Variants in DOCK7 observed in about 807,000 individuals in gnomAD.
DOCK7 encodes the protein dedicator of cytokinesis 7, also known as dedicator of cytokinesis protein 7.
A neutral mutation model predicts 271.0 loss-of-function variants in DOCK7; 138 were observed. The ratio of observed to expected loss-of-function variants is 0.51; its 90% CI spans 0.44 to 0.59. The LOEUF is 0.59. Among genes scored for constraint, DOCK7 ranks in the 20% least tolerant of loss-of-function variants. The pLI is 0.00. For synonymous variants in DOCK7, 823 were observed against 876.1 expected, an observed-to-expected ratio of 0.94 and a Z score of 1.07; for missense variants, 2,066 against 2,592.4, an observed-to-expected ratio of 0.80 and a Z score of 4.41.
At chr1:62,677,023 G>C (rs1168123) in intron 1 of DOCK7, among the ~76,000 whole-genome samples, 1 of 152,202 alleles carries the variant, frequency 6.6e-6, no homozygotes, top group Admixed American at 6.5e-5. Flanking sequence ...GCAGATAGGA[G>C]AGCTGTCTAT....
chr1:62,681,650 T>G (rs1454077984), intron 1 of DOCK7, among the ~76,000 whole-genome samples: 1 of 151,434 alleles, frequency 6.6e-6, no homozygotes, highest in African/African-American at 2.4e-5. Flanking sequence ...TACCTGAAAA[T>G]TTGTATAGGA....
At chr1:62,654,818 G>GA (rs1449927590) in intron 2 of DOCK7, among the ~76,000 whole-genome samples, 4 of 152,130 alleles carry the variant, frequency 2.6e-5, no homozygotes, top group Admixed American at 2.0e-4. Flanking sequence ...TACACAGAGA[G>GA]AAAAAATTTG....
intron 12 of DOCK7, among the ~76,000 whole-genome samples, chr1:62,624,799 C>A (rs974662814): frequency 6.6e-6 from 1 of 152,008 alleles, no homozygotes; most frequent in African/African-American, 2.4e-5. Flanking sequence ...CATTTAGTAT[C>A]CTGTCTCTAC....
chr1:62,600,880 T>C (rs1650014594), intron 14 of DOCK7, among the ~76,000 whole-genome samples: 1 of 151,820 alleles, frequency 6.6e-6, no homozygotes, highest in Admixed American at 6.6e-5. Flanking sequence ...TATTTTTTTA[T>C]CTTATTAAAT....
At chr1:62,587,299 T>TAAAAAAAAAAAAA in intron 14 of DOCK7, among the ~76,000 whole-genome samples, 1 of 41,818 alleles carries the variant, frequency 2.4e-5, no homozygotes, top group Non-Finnish European at 5.4e-5. Flanking sequence ...ACCAAATAGC[T>TAAAAAAAAAAAAA]AAAAAAAAAA....
At chr1:62,525,721 T>C (rs1644987057) in intron 31 of DOCK7, among the ~76,000 whole-genome samples, 1 of 152,166 alleles carries the variant, frequency 6.6e-6, no homozygotes, top group Non-Finnish European at 1.5e-5. Flanking sequence ...ACATGCACTT[T>C]ATTGTATTAT....
chr1:62,665,945 C>T (rs900505774), intron 1 of DOCK7, among the ~76,000 whole-genome samples: 1 of 151,928 alleles, frequency 6.6e-6, no homozygotes. Flanking sequence ...GGGCGGATCA[C>T]AAGGTCATGA....
rs1034142392 is a variant in DOCK7 at position 62,545,032 on chromosome 1, T to A, written c.2774A>T (p.Asp925Val). 2 of 1,549,270 alleles carry A rather than the reference T, an allele frequency of 1.3e-6. No individual in the cohort carries two copies. Among genetic ancestry groups the A allele is most frequent in the African/African-American group, 2.7e-5 (2 of 72,990 alleles). The change falls in exon 23 of 50, where the codon GAT (aspartate) becomes GTT (valine). Residue 925 changes from aspartate to valine, a missense_variant. Around this residue, in one of 2 missense-constraint regions of DOCK7, gnomAD observed 1,414 missense variants for 1,670.4 expected, o/e 0.85. Coordinates refer to ENST00000635253, the MANE Select transcript of DOCK7 (RefSeq NM_001367561.1). ...VRSIIGSKGL[D>V]RSNSWVNTGG... is the part of the protein sequence containing the mutation. Reference sequence around the variant, plus strand: ...AGTGTTAACCCAGGAATTGGAGCGATCTAAACCCTAAGCATATAATAGAAA... The same window carrying A: ...AGTGTTAACCCAGGAATTGGAGCGAACTAAACCCTAAGCATATAATAGAAA...
chr1:62,625,770 T>A (rs906186176), intron 11 of DOCK7, among the ~76,000 whole-genome samples: 2 of 152,192 alleles, frequency 1.3e-5, no homozygotes, highest in Admixed American at 1.3e-4. Context: ...AAGAGAATTG[T>A]AAGATAATTT....
chr1:62,573,146 T>G (rs950219276), intron 18 of DOCK7, among the ~76,000 whole-genome samples: 3 of 152,136 alleles, frequency 2.0e-5, no homozygotes, highest in African/African-American at 7.2e-5. Flanking sequence ...AAGACTTCTT[T>G]GAGGAAATGC....
chr1:62,601,502 C>G lies in DOCK7; in HGVS notation c.1683-14878G>C, dbSNP rs527277163. Among the ~76,000 whole-genome samples the G allele has an allele frequency of 3.3e-5, 5 of 151,670 alleles. No individual in the cohort carries two copies. In the East Asian group the frequency reaches 9.7e-4, roughly 29 times the overall value. On this transcript the variant is annotated intron_variant, in intron 14 of 49. Transcript: ENST00000635253. ...TAAGAGATACATGCTGAAATATTTACGGAGTTAAAGGTCACTGGACTCCAG... is the reference window on the plus strand; with the variant it reads ...TAAGAGATACATGCTGAAATATTTAGGGAGTTAAAGGTCACTGGACTCCAG...
In DOCK7 at chr1:62,480,668, T is replaced by C. The variant is rs1055473227; in HGVS notation, c.5509-2843A>G. 6.6e-5 allele frequency among the ~76,000 whole-genome samples: 10 copies of C among 152,310 alleles called. No homozygotes were observed. In the South Asian group the frequency reaches 1.2e-3, roughly 19 times the overall value. On this transcript the variant is annotated intron_variant, in intron 43 of 49. Coordinates refer to ENST00000635253, the MANE Select transcript of DOCK7 (RefSeq NM_001367561.1). ...AAGCGTTCATCCATTCAAATACTTA[T>C]TGAGCCCTTACTATGTGTTAGCAAA...
intron 48 of DOCK7, among the ~76,000 whole-genome samples, chr1:62,468,360 C>CAAAAAA (rs201784083): frequency 3.2e-5 from 3 of 93,052 alleles, no homozygotes; most frequent in Non-Finnish European, 2.3e-5. Context: ...GACTCTGTCT[C>CAAAAAA]AAAAAAAAAA....
chr1:62,657,403 C>CTATA (rs1658156501), intron 2 of DOCK7, among the ~76,000 whole-genome samples: 2 of 152,092 alleles, frequency 1.3e-5, no homozygotes, highest in Admixed American at 1.3e-4. Context: ...TAGCATCCAC[C>CTATA]TATAACTAGA....
At chr1:62,510,788 C>T in intron 33 of DOCK7, 115 bp from the exon 34 acceptor site, 1 of 755,684 alleles carries the variant, frequency 1.3e-6, no homozygotes, top group South Asian at 2.4e-5. Context: ...GCCATTTTAT[C>T]CTCAGTACAA....
chr1:62,468,671 C>G (rs549112966), intron 48 of DOCK7, among the ~76,000 whole-genome samples: 17 of 152,054 alleles, frequency 1.1e-4, no homozygotes, highest in Non-Finnish European at 2.5e-4. Context: ...ACCCTAAAGA[C>G]TCCTCCAAAA....
At chr1:62,581,959 C>A (rs1647137745) in intron 16 of DOCK7, among the ~76,000 whole-genome samples, 1 of 152,064 alleles carries the variant, frequency 6.6e-6, no homozygotes, top group African/African-American at 2.4e-5. Context: ...ACTAATGCTG[C>A]AAGAAACCGG....
intron 20 of DOCK7, among the ~76,000 whole-genome samples, chr1:62,558,131 A>T (rs557294689): frequency 6.6e-6 from 1 of 152,194 alleles, no homozygotes; most frequent in Admixed American, 6.6e-5. Flanking sequence ...ATTACCTCTA[A>T]TCAATCCTCT....
chr1:62,635,182 G>A (rs1055742107), intron 8 of DOCK7: 3 of 239,104 alleles, frequency 1.3e-5, no homozygotes, highest in Non-Finnish European at 2.4e-5. Context: ...ATACTCTCAT[G>A]TAAAGTTTAT....
Sources: gnomAD v4.1 joint callset for allele counts (sites outside exome capture counted in the v4.1 genomes callset) on GRCh38, gnomAD v4.1.1 for gene constraint, gnomAD v4.1.1 regional missense constraint, MANE v1.5 for transcripts, NCBI Gene and HGNC (gene_info 2026-07-23, HGNC 2026-07-21) for gene names.